Variants in DIP2C observed in about 807,000 individuals in gnomAD.
The protein encoded by DIP2C is disco-interacting protein 2 homolog C.
In DIP2C, 33 loss-of-function variants were observed where a neutral mutation model predicts 192.4. That is an observed-to-expected ratio of 0.17 (90% CI 0.13 to 0.23). The LOEUF (loss-of-function observed/expected upper bound fraction) is 0.23. DIP2C is among the 10% of genes least tolerant of loss of function. DIP2C has a pLI of 1.00. For synonymous variants in DIP2C, 979 were observed against 864.1 expected, an observed-to-expected ratio of 1.13 and a Z score of -2.33; for missense variants, 1,537 against 2,110.1, an observed-to-expected ratio of 0.73 and a Z score of 5.32.
At position 578,701 on chromosome 10, in the gene DIP2C, G is replaced by C. The variant is rs1850348078; in HGVS notation, c.86-92171C>G. Among the ~76,000 whole-genome samples the C allele has an allele frequency of 2.0e-5, 3 of 152,070 alleles. No individual in the cohort carries two copies. The South Asian group carries it at 6.2e-4, about 31-fold the overall frequency. ...TTGCCATAGAGCACACACACATCTA[G>C]ATCCACATACTATATGTACATAGGT... On this transcript the variant is annotated intron_variant, in intron 1 of 36. Coordinates refer to ENST00000280886, the MANE Select transcript of DIP2C (RefSeq NM_014974.3).
At chr10:580,184 C>G (rs554705976) in intron 1 of DIP2C, among the ~76,000 whole-genome samples, 2 of 152,028 alleles carry the variant, frequency 1.3e-5, no homozygotes, top group African/African-American at 4.8e-5. Flanking sequence ...CCTACACATG[C>G]GTAGTGTATA....
intron 1 of DIP2C, among the ~76,000 whole-genome samples, chr10:538,412 T>TC (rs1475944897): frequency 6.6e-6 from 1 of 152,232 alleles, no homozygotes. Flanking sequence ...GCCTTGGCCT[T>TC]CCAAAGCCCT....
intron 3 of DIP2C, among the ~76,000 whole-genome samples, chr10:458,850 C>A (rs1037139407): frequency 2.0e-5 from 3 of 152,172 alleles, no homozygotes; most frequent in Admixed American, 1.3e-4. Flanking sequence ...TGCTCGGAAC[C>A]CAGAATCACC....
intron 10 of DIP2C, among the ~76,000 whole-genome samples, chr10:395,097 GGGGGGGAGGGAGGAGTTGGGGGGA>G (rs1424207798): frequency 2.6e-5 from 3 of 115,446 alleles, no homozygotes; most frequent in African/African-American, 9.2e-5. Context: ...CACGAGGGCT[GGGGGGGAGGGAGGAGTTGGGGGGA>G]GGGAGGAGTT....
At chr10:557,350 C>A (rs1848932882) in intron 1 of DIP2C, among the ~76,000 whole-genome samples, 1 of 152,106 alleles carries the variant, frequency 6.6e-6, no homozygotes, top group Admixed American at 6.5e-5. Context: ...CTCAGCAGAG[C>A]TGCCCTAAAT....
intron 1 of DIP2C, among the ~76,000 whole-genome samples, chr10:658,964 ACACACACACATGCG>A (rs1158482871): frequency 1.3e-5 from 2 of 152,176 alleles, no homozygotes; most frequent in South Asian, 2.1e-4. Flanking sequence ...CACATATCTC[ACACACACACATGCG>A]CACACACACA....
At chr10:283,577 G>A in intron 34 of DIP2C, 131 bp from the exon 35 acceptor site, 1 of 1,136,324 alleles carries the variant, frequency 8.8e-7, no homozygotes, top group Non-Finnish European at 1.3e-6. Context: ...GAATAACCAA[G>A]ATGATGTTAA....
intron 17 of DIP2C, among the ~76,000 whole-genome samples, chr10:381,135 TCACCACTGAG>T (rs757687964): frequency 4.7e-4 from 72 of 152,352 alleles, no homozygotes; most frequent in Admixed American, 7.8e-4. Flanking sequence ...CTAAAGATTT[TCACCACTGAG>T]ATAGAGTTGC....
chr10:413,871 C>A (rs200511416), intron 8 of DIP2C, 42 bp downstream of exon 8: 9 of 1,593,830 alleles, frequency 5.6e-6, no homozygotes, highest in South Asian at 1.1e-5. Context: ...AGTGGCTGTG[C>A]GAGGGGGTGG....
chr10:501,516 A>AT (rs1351039150), intron 1 of DIP2C, among the ~76,000 whole-genome samples: 1 of 152,164 alleles, frequency 6.6e-6, no homozygotes, highest in Non-Finnish European at 1.5e-5. Context: ...TTGATACCAT[A>AT]TTACCCCAAT....
intron 31 of DIP2C, among the ~76,000 whole-genome samples, chr10:319,600 A>T (rs3097726): frequency 0.99 from 150,122 of 152,332 alleles, 73,996 homozygotes; most frequent in East Asian, 1. Flanking sequence ...TGAGAAATAT[A>T]TTTCCAAATA....
chr10:575,777 CA>C (rs1434104504), intron 1 of DIP2C, among the ~76,000 whole-genome samples: 3 of 152,196 alleles, frequency 2.0e-5, no homozygotes, highest in Admixed American at 6.5e-5. Context: ...GGGCCAGAGC[CA>C]GGGGCACAGT....
At chr10:603,926 C>T (rs1304484678) in intron 1 of DIP2C, among the ~76,000 whole-genome samples, 2 of 150,148 alleles carry the variant, frequency 1.3e-5, no homozygotes, top group Non-Finnish European at 3.0e-5. Flanking sequence ...CAGCCCCACA[C>T]CCCTCCGGCC....
chr10:520,688 G>A (rs112950217), intron 1 of DIP2C, among the ~76,000 whole-genome samples: 1,619 of 152,290 alleles, frequency 0.011, 31 homozygotes, highest in African/African-American at 0.037. Context: ...CCAGGATCTC[G>A]TCTTCTGCTG....
chr10:311,295 T>C (rs1320018382), intron 31 of DIP2C, among the ~76,000 whole-genome samples: 2 of 152,078 alleles, frequency 1.3e-5, no homozygotes, highest in African/African-American at 4.8e-5. Context: ...AAGAATTAAG[T>C]ACAACAGAGA....
At chr10:609,630 G>T (rs942661313) in intron 1 of DIP2C, among the ~76,000 whole-genome samples, 1 of 152,166 alleles carries the variant, frequency 6.6e-6, no homozygotes, top group Non-Finnish European at 1.5e-5. Flanking sequence ...ATGTGATTTA[G>T]TCTGTGGTTA....
chr10:514,660 C>T (rs2386705), intron 1 of DIP2C, among the ~76,000 whole-genome samples: 106,153 of 152,004 alleles, frequency 0.7, 41,209 homozygotes, highest in South Asian at 0.85. Context: ...ACCCTCACCA[C>T]TGCTGCCAAC....
intron 14 of DIP2C, 40 bp from the exon 15 acceptor site, chr10:384,679 G>A (rs1962717336): frequency 5.0e-6 from 8 of 1,596,722 alleles, no homozygotes; most frequent in South Asian, 1.1e-5. Context: ...AGCATGGAGG[G>A]GCACGCAGAG....
intron 3 of DIP2C, among the ~76,000 whole-genome samples, chr10:460,518 G>A: frequency 6.6e-6 from 1 of 152,212 alleles, no homozygotes; most frequent in South Asian, 2.1e-4. Context: ...AGGTTAAATG[G>A]CTGAGTAGAT....
Sources: allele counts gnomAD v4.1 joint callset (sites outside exome capture counted in the v4.1 genomes callset), GRCh38; gene constraint gnomAD v4.1.1; transcripts MANE v1.5; gene names NCBI Gene and HGNC (gene_info 2026-07-23, HGNC 2026-07-21).